Variants in CEP83 observed in about 807,000 individuals in gnomAD.
CEP83 encodes the protein centrosomal protein 83, also known as centrosomal protein of 83 kDa.
In CEP83, 70 loss-of-function variants were observed where a neutral mutation model predicts 101.9. The ratio of observed to expected loss-of-function variants is 0.69; its 90% CI spans 0.57 to 0.84. The LOEUF (loss-of-function observed/expected upper bound fraction) is 0.84, where lower values mean the gene tolerates loss of function less well. Ranked by LOEUF, CEP83 falls within the 40% of genes least tolerant of loss-of-function variation. The pLI is 0.00. For missense variants in CEP83, 715 were observed against 787.2 expected, an observed-to-expected ratio of 0.91 and a Z score of 1.10; for synonymous variants, 264 against 267.9, an observed-to-expected ratio of 0.99 and a Z score of 0.14.
chr12:94,339,810 T>C (rs1257008867), intron 11 of CEP83, among the ~76,000 whole-genome samples: 4 of 152,186 alleles, frequency 2.6e-5, no homozygotes, highest in Admixed American at 1.3e-4. Flanking sequence ...CCTGAAAGAA[T>C]ATAAGAACCC....
At chr12:94,347,007 C>T (rs2059962633) in intron 11 of CEP83, among the ~76,000 whole-genome samples, 2 of 150,410 alleles carry the variant, frequency 1.3e-5, no homozygotes, top group African/African-American at 4.9e-5. Context: ...CACGGCACTC[C>T]AGCCTGGGCA....
chr12:94,368,171 G>A lies in CEP83; in HGVS notation c.1079C>T (p.Ala360Val). 1 of 1,612,530 alleles carries A rather than the reference G, an allele frequency of 6.2e-7. No individual in the cohort carries two copies. Among genetic ancestry groups the A allele is most frequent in the Non-Finnish European group, 8.5e-7 (1 of 1,179,220 alleles). Residue 360 changes from alanine (A) to valine (V), a missense_variant, in exon 10 of 17, where the codon GCA becomes GTA. Transcript: ENST00000397809. Reference sequence around the variant, plus strand: ...GAGCACTTTGTGATGTTCAACAGCTGCTTTGAGAATTTCATTGTCTGACTG... The same window carrying A: ...GAGCACTTTGTGATGTTCAACAGCTACTTTGAGAATTTCATTGTCTGACTG... ...GLQSDNEILK[A>V]AVEHHKVLLV...
downstream of CEP83, chr12:94,306,842 A>C (rs1434690652): frequency 6.6e-6 from 1 of 152,216 alleles, no homozygotes; most frequent in East Asian, 1.9e-4. Context: ...GCACCTTCCC[A>C]ATCCTGTTGC....
intron 6 of CEP83, among the ~76,000 whole-genome samples, chr12:94,393,042 G>A (rs1431543065): frequency 1.3e-5 from 2 of 152,208 alleles, no homozygotes; most frequent in Non-Finnish European, 2.9e-5. Flanking sequence ...AATTCTACCA[G>A]AGGTACAAAG....
At chr12:94,287,742 C>T in the CEP83 span, among the ~76,000 whole-genome samples, 2 of 152,186 alleles carry the variant, frequency 1.3e-5, no homozygotes, top group East Asian at 3.8e-4. Context: ...CTGGTCAAGT[C>T]CATCATCTGT....
intron 11 of CEP83, among the ~76,000 whole-genome samples, chr12:94,336,304 G>GAGT (rs1400340930): frequency 1.3e-5 from 2 of 152,152 alleles, no homozygotes; most frequent in African/African-American, 4.8e-5. Context: ...GTGACCAAAT[G>GAGT]AGTAACCTCA....
intron 2 of CEP83, among the ~76,000 whole-genome samples, chr12:94,422,495 TATGCAGCACATGAATGCAC>T (rs2064835569): frequency 6.6e-6 from 1 of 152,222 alleles, no homozygotes; most frequent in Admixed American, 6.5e-5. Context: ...TATGTGGTTA[TATGCAGCACATGAATGCAC>T]ACAATTTCAT....
intron 2 of CEP83, among the ~76,000 whole-genome samples, chr12:94,422,653 G>A (rs1023184619): frequency 9.9e-5 from 15 of 152,144 alleles, no homozygotes; most frequent in African/African-American, 3.6e-4. Context: ...CACTTTTGTG[G>A]TTATTCTCAC....
At chr12:94,279,318 T>C in the CEP83 span, among the ~76,000 whole-genome samples, 2 of 152,232 alleles carry the variant, frequency 1.3e-5, no homozygotes, top group Admixed American at 6.5e-5. Flanking sequence ...GAATGGATTA[T>C]GGAGAAAAGA....
rs796839847 is a variant in CEP83, at chr12:94,387,919, G to GA, written c.550-8878dup. On this transcript the variant is annotated intron_variant, in intron 6 of 16. Coordinates refer to ENST00000397809, the MANE Select transcript of CEP83 (RefSeq NM_016122.3). Reference sequence around the variant, plus strand: ...CAGTCAGAATAGCTATTACTAAAAGGAAAAAAAAAATAACAGATGCTAGCA... The same window carrying GA: ...CAGTCAGAATAGCTATTACTAAAAGGAAAAAAAAAAATAACAGATGCTAGCA... Among the ~76,000 whole-genome samples the GA allele has an allele frequency of 4.8e-3, 717 of 148,384 alleles. 8 individuals carry two copies. Among genetic ancestry groups the GA allele is most frequent in the African/African-American group, 0.017 (675 of 40,410 alleles).
chr12:94,285,564 G>A, the CEP83 span, among the ~76,000 whole-genome samples: 2 of 152,138 alleles, frequency 1.3e-5, no homozygotes, highest in Non-Finnish European at 2.9e-5. Flanking sequence ...CTTAGCTTTT[G>A]GAGTTTGTAA....
At chr12:94,419,306 G>A (rs558832570) in intron 2 of CEP83, among the ~76,000 whole-genome samples, 1 of 151,976 alleles carries the variant, frequency 6.6e-6, no homozygotes, top group South Asian at 2.1e-4. Flanking sequence ...TAGGTAAAAA[G>A]ATGTGCAAAC....
chr12:94,297,218 T>C, the CEP83 span: 2 of 1,614,136 alleles, frequency 1.2e-6, no homozygotes, highest in African/African-American at 1.3e-5. Context: ...CCACTGCCAT[T>C]TGGTGAGTTC....
chr12:94,290,571 T>C, the CEP83 span, among the ~76,000 whole-genome samples: 1 of 152,246 alleles, frequency 6.6e-6, no homozygotes, highest in Admixed American at 6.5e-5. Flanking sequence ...GCCTCTGGCC[T>C]AAACTTAGCG....
chr12:94,377,638 T>C (rs902924190), intron 7 of CEP83, among the ~76,000 whole-genome samples: 2 of 152,178 alleles, frequency 1.3e-5, no homozygotes, highest in African/African-American at 4.8e-5. Flanking sequence ...ATCTGACAAA[T>C]AATAAAATTA....
intron 6 of CEP83, among the ~76,000 whole-genome samples, chr12:94,388,147 A>G (rs2062268212): frequency 6.6e-6 from 1 of 152,258 alleles, no homozygotes; most frequent in Non-Finnish European, 1.5e-5. Context: ...TCACAGCACT[A>G]TTCACAATAG....
intron 14 of CEP83, chr12:94,328,347 A>G: frequency 3.8e-6 from 1 of 266,406 alleles, no homozygotes; most frequent in Non-Finnish European, 7.6e-6. Context: ...CATCATTTAC[A>G]CCAAAGACTA....
chr12:94,333,438 T>C (rs769565093), intron 13 of CEP83, 44 bp downstream of exon 13: 21 of 1,556,058 alleles, frequency 1.3e-5, no homozygotes, highest in Non-Finnish European at 2.6e-6. Context: ...ACATGTTATA[T>C]AGAAAAAAGA....
chr12:94,294,476 T>G, the CEP83 span: 2 of 1,226,796 alleles, frequency 1.6e-6, no homozygotes, highest in Non-Finnish European at 2.4e-6. Context: ...TCTTTTATCT[T>G]TGGTTTCAGA....
Sources: allele counts gnomAD v4.1 joint callset (sites outside exome capture counted in the v4.1 genomes callset), GRCh38; gene constraint gnomAD v4.1.1; transcripts MANE v1.5; gene names NCBI Gene and HGNC (gene_info 2026-07-23, HGNC 2026-07-21).